SYCE1L: variants seen among roughly 807,000 people sequenced by gnomAD.
The protein encoded by SYCE1L is synaptonemal complex central element protein 1 like.
Under a neutral mutation model 39.6 loss-of-function variants are expected in SYCE1L, and 51 were observed. That is an observed-to-expected ratio of 1.29 (90% CI 1.03 to 1.63). SYCE1L has a LOEUF of 1.63. Ranked by LOEUF, SYCE1L falls within the 40% of genes most tolerant of loss-of-function variation. The pLI, the probability that SYCE1L is intolerant of heterozygous loss-of-function variation, is 0.00. For missense variants in SYCE1L, 426 were observed against 304.9 expected (o/e 1.40, Z -2.96); for synonymous variants, 147 against 122.4 (o/e 1.20, Z -1.33).
At chr16:77,201,782 TG>T (rs1239123706) in intron 1 of SYCE1L, 1 of 151,952 alleles carries the variant, frequency 6.6e-6, no homozygotes, top group Non-Finnish European at 1.5e-5. Context: ...CTAATTTAAA[TG>T]TATTAAATTA....
intron 1 of SYCE1L, among the ~76,000 whole-genome samples, chr16:77,202,876 C>G (rs1049493073): frequency 4.0e-5 from 5 of 126,004 alleles, no homozygotes; most frequent in African/African-American, 1.0e-4. Context: ...ATAATATCCT[C>G]TCTACTCTCA....
chr16:77,200,294 A>ACACACG (rs2054724715), intron 1 of SYCE1L: 1 of 144,616 alleles, frequency 6.9e-6, no homozygotes, highest in Non-Finnish European at 1.5e-5. Context: ...ATATATATAC[A>ACACACG]CACACTAATC....
At chr16:77,211,752 G>A (rs2054824017) in intron 7 of SYCE1L, among the ~76,000 whole-genome samples, 1 of 152,172 alleles carries the variant, frequency 6.6e-6, no homozygotes, top group Non-Finnish European at 1.5e-5. Flanking sequence ...AACTTCAGTG[G>A]GAAGGCCTCT....
At chr16:77,205,414 TA>T (rs2054778979) in intron 1 of SYCE1L, among the ~76,000 whole-genome samples, 1 of 98,676 alleles carries the variant, frequency 1.0e-5, no homozygotes, top group Admixed American at 9.9e-5. Flanking sequence ...AGGCTCATGT[TA>T]AAATATACAT....
rs935994618 is a variant in SYCE1L at position 77,207,566 on chromosome 16, C to G, written c.122-644C>G. Among the ~76,000 whole-genome samples the G allele has an allele frequency of 5.9e-5, 9 of 152,268 alleles. No homozygotes were observed. In the East Asian group the frequency reaches 9.7e-4, roughly 16 times the overall value. On this transcript the variant is annotated intron_variant, in intron 2 of 10. Transcript: ENST00000378644. ...GAGCCCAGACTGACAGAGTGACAAC[C>G]CTTCCTGCCTGGATTTTGACAGGGC... is the stretch of plus-strand genomic sequence containing the variant.
In SYCE1L at chr16:77,208,306, G is replaced by A. The variant is rs750424711; in HGVS notation, c.181+37G>A. The A allele has an allele frequency of 4.5e-6, 7 of 1,549,570 alleles. No individual in the cohort carries two copies. The Admixed American group carries it at 9.9e-5, about 22-fold the overall frequency. ...GACTTAGACTGGCCAGCTGGGGCGA[G>A]CAGGAAGTGACTGGATTTATAATGA... is the stretch of plus-strand genomic sequence containing the variant. On this transcript the variant is annotated intron_variant, in intron 3 of 10. Transcript: ENST00000378644.
chr16:77,212,228 G>A (rs2054828264), intron 8 of SYCE1L, 29 bp downstream of exon 8: 2 of 1,543,388 alleles, frequency 1.3e-6, no homozygotes, highest in Non-Finnish European at 1.7e-6. Flanking sequence ...GTGGGCGGGG[G>A]GAGGGGGATG....
chr16:77,208,940 A>G (rs373871797), intron 4 of SYCE1L, among the ~76,000 whole-genome samples, 157 bp from the exon 5 acceptor site: 1 of 152,278 alleles, frequency 6.6e-6, no homozygotes, highest in South Asian at 2.1e-4. Context: ...CTGGATCAGG[A>G]TGGTCCTTCT....
In SYCE1L at chr16:77,202,251, G is replaced by T. The variant is rs1333180267; in HGVS notation, c.61+2739G>T. ...GAAATAGACACTGGAATAGTAAGGA[G>T]TAGTGGGTCAAGATGTCTGCAACTT... On this transcript the variant is annotated intron_variant, in intron 1 of 10. Coordinates refer to ENST00000378644, the MANE Select transcript of SYCE1L (RefSeq NM_001129979.3). The T allele has an allele frequency of 3.9e-5, 6 of 152,160 alleles. No individual in the cohort carries two copies. In the East Asian group the frequency reaches 1.2e-3, roughly 29 times the overall value. The allele number at this position is 152,160 out of a possible 1,614,324, so 9.4% of individuals were successfully genotyped here.
At chr16:77,205,433 A>AATATATATATATATATATGTATATAT (rs145238524) in intron 1 of SYCE1L, among the ~76,000 whole-genome samples, 12 of 145,292 alleles carry the variant, frequency 8.3e-5, no homozygotes, top group South Asian at 4.3e-4. Flanking sequence ...CATAGAAGTA[A>AATATATATATATATATATGTATATAT]ATATATATAT....
chr16:77,209,253 C>T, intron 5 of SYCE1L, 109 bp downstream of exon 5: 4 of 1,378,590 alleles, frequency 2.9e-6, no homozygotes, highest in South Asian at 2.5e-5. Context: ...CAGGGTGCTT[C>T]CCTCTCTGCA....
intron 6 of SYCE1L, among the ~76,000 whole-genome samples, chr16:77,210,059 C>A (rs1424894476): frequency 6.6e-6 from 1 of 152,272 alleles, no homozygotes; most frequent in East Asian, 1.9e-4. Flanking sequence ...AGCCACTATT[C>A]CTCTACTCAT....
intron 8 of SYCE1L, 24 bp from the exon 9 acceptor site, chr16:77,212,257 GC>G (rs1316720974): frequency 6.6e-7 from 1 of 1,520,840 alleles, no homozygotes; most frequent in Non-Finnish European, 8.8e-7. Context: ...CCTCGGCCCT[GC>G]CCCTGACGCC....
chr16:77,200,248 G>GTGTATATATA (rs1567422956), intron 1 of SYCE1L: 32 of 88,962 alleles, frequency 3.6e-4, no homozygotes, highest in African/African-American at 1.6e-3. Context: ...ATATATATAT[G>GTGTATATATA]TATATGTGTA....
At chr16:77,204,083 G>A (rs1352408275) in intron 1 of SYCE1L, among the ~76,000 whole-genome samples, 1 of 151,306 alleles carries the variant, frequency 6.6e-6, no homozygotes, top group Non-Finnish European at 1.5e-5. Flanking sequence ...AAAAAAAAAA[G>A]AAAAAGATTA....
rs1019304312 is a variant in SYCE1L, at chr16:77,212,739, C to T, written c.654+93C>T. 6 of 1,432,106 alleles carry T rather than the reference C, an allele frequency of 4.2e-6. No individual in the cohort carries two copies. The African/African-American group carries it at 5.9e-5, about 14-fold the overall frequency. The allele number at this position is 1,432,106 out of a possible 1,614,324, so 88.7% of individuals were successfully genotyped here. ...TGGGAGCGGCCCCCGAGAGTGGGGT[C>T]TGTGGGGAGCAGGGCGGCCCCGGGG... On this transcript the variant is annotated intron_variant, in intron 10 of 10. Coordinates refer to ENST00000378644, the MANE Select transcript of SYCE1L (RefSeq NM_001129979.3).
At chr16:77,199,605 TC>T (rs2054708552) in intron 1 of SYCE1L, 93 bp downstream of exon 1, 2 of 1,053,890 alleles carry the variant, frequency 1.9e-6, no homozygotes, top group Admixed American at 5.6e-5. Context: ...ATAATGATAT[TC>T]TAATTTTTTT....
chr16:77,211,095 A>G, intron 6 of SYCE1L, 118 bp from the exon 7 acceptor site: 1 of 1,131,034 alleles, frequency 8.8e-7, no homozygotes, highest in Admixed American at 2.0e-5. Flanking sequence ...GATAAAACCC[A>G]TGAAGGGGCT....
In SYCE1L at chr16:77,209,001, G is replaced by A. The variant is rs1358689338; in HGVS notation, c.257-96G>A. 1.2e-5 allele frequency: 16 copies of A among 1,344,210 alleles called. No individual in the cohort carries two copies. In the East Asian group the frequency reaches 2.3e-4, roughly 19 times the overall value. The allele number at this position is 1,344,210 out of a possible 1,614,324, so 83.3% of individuals were successfully genotyped here. On this transcript the variant is annotated intron_variant, in intron 4 of 10. Transcript: ENST00000378644. Reference sequence around the variant, plus strand: ...AAGATACCTCACCTCTCCTAGGGCTGTACTACACCTTCTGTGTGGCTTTCC... The same window carrying A: ...AAGATACCTCACCTCTCCTAGGGCTATACTACACCTTCTGTGTGGCTTTCC...
Sources: gnomAD v4.1 joint callset for allele counts (sites outside exome capture counted in the v4.1 genomes callset) on GRCh38, gnomAD v4.1.1 for gene constraint, MANE v1.5 for transcripts, NCBI Gene and HGNC (gene_info 2026-07-23, HGNC 2026-07-21) for gene names.